Variants in GALNT13 observed in about 807,000 individuals in gnomAD.
GALNT13 encodes UDP-GalNAc:polypeptide N-acetylgalactosaminyltransferase 13.
A neutral mutation model predicts 64.2 loss-of-function variants in GALNT13; 28 were observed. The ratio of observed to expected loss-of-function variants is 0.44; its 90% confidence interval spans 0.32 to 0.60. GALNT13 has a LOEUF of 0.60. GALNT13 is among the 20% of genes least tolerant of loss of function. GALNT13 has a pLI of 0.05. For synonymous variants in GALNT13, 214 were observed against 224.6 expected, an observed-to-expected ratio of 0.95 and a Z score of 0.42; for missense variants, 577 against 669.8, an observed-to-expected ratio of 0.86 and a Z score of 1.53.
the GALNT13 span, among the ~76,000 whole-genome samples, chr2:153,126,320 A>T: frequency 1.4e-4 from 16 of 110,528 alleles, no homozygotes; most frequent in East Asian, 5.0e-4. Context: ...ATATATATAT[A>T]TATATATATA....
chr2:153,201,955 C>T, the GALNT13 span, among the ~76,000 whole-genome samples: 1 of 151,018 alleles, frequency 6.6e-6, no homozygotes, highest in African/African-American at 2.4e-5. Context: ...ACAGGATGGC[C>T]CCTCTCTCCA....
At chr2:153,476,392 T>C in the GALNT13 span, among the ~76,000 whole-genome samples, 1 of 152,366 alleles carries the variant, frequency 6.6e-6, no homozygotes, top group East Asian at 1.9e-4. Context: ...TATAGCATCC[T>C]AGTGGATTCT....
the GALNT13 span, among the ~76,000 whole-genome samples, chr2:153,552,819 A>G: frequency 6.6e-6 from 1 of 152,074 alleles, no homozygotes; most frequent in African/African-American, 2.4e-5. Flanking sequence ...TCAGATCATC[A>G]GGCATTAGAT....
chr2:153,970,130 A>G (rs1693642438), intron 3 of GALNT13, among the ~76,000 whole-genome samples: 1 of 152,152 alleles, frequency 6.6e-6, no homozygotes, highest in Admixed American at 6.5e-5. Flanking sequence ...ATCTTGACAA[A>G]ATTTTCTGTA....
chr2:154,060,164 T>C lies in GALNT13; in HGVS notation c.143-80173T>C, dbSNP rs748055821. ...AAGATGGCTGCCACTAGGAATTGAA[T>C]TTCTAGCTCCTTGATCGTGGATTTT... On this transcript the variant is annotated intron_variant, in intron 3 of 12. Transcript: ENST00000392825. 3.9e-5 allele frequency among the ~76,000 whole-genome samples: 6 copies of C among 152,094 alleles called. No homozygotes were observed. In the South Asian group the frequency reaches 1.0e-3, roughly 26 times the overall value.
chr2:153,531,767 T>G, the GALNT13 span, among the ~76,000 whole-genome samples: 1 of 152,126 alleles, frequency 6.6e-6, no homozygotes, highest in Non-Finnish European at 1.5e-5. Flanking sequence ...AATAAATACT[T>G]GCATTTCAAA....
At chr2:154,195,109 C>G (rs1686808755) in intron 4 of GALNT13, among the ~76,000 whole-genome samples, 1 of 151,994 alleles carries the variant, frequency 6.6e-6, no homozygotes, top group South Asian at 2.1e-4. Context: ...TATTCTTAAC[C>G]ACTGCTCTGT....
At chr2:154,417,176 T>C (rs1420307808) in intron 11 of GALNT13, among the ~76,000 whole-genome samples, 2 of 151,820 alleles carry the variant, frequency 1.3e-5, no homozygotes, top group East Asian at 3.9e-4. Context: ...TTCAGTGTAG[T>C]TTCCCCAAAC....
At chr2:154,087,378 G>A (rs1250844393) in intron 3 of GALNT13, among the ~76,000 whole-genome samples, 1 of 151,926 alleles carries the variant, frequency 6.6e-6, no homozygotes, top group African/African-American at 2.4e-5. Flanking sequence ...AGAATTCATA[G>A]CACTTATTAT....
intron 3 of GALNT13, among the ~76,000 whole-genome samples, chr2:154,106,217 G>C (rs1257023000): frequency 6.6e-6 from 1 of 151,960 alleles, no homozygotes; most frequent in Non-Finnish European, 1.5e-5. Context: ...CTTATTTCAT[G>C]GATCATGCTT....
the GALNT13 span, among the ~76,000 whole-genome samples, chr2:153,118,708 G>T: frequency 6.6e-6 from 1 of 152,126 alleles, no homozygotes. Context: ...TATGAGCCAT[G>T]CATTATTCTA....
chr2:153,361,003 A>C, the GALNT13 span, among the ~76,000 whole-genome samples: 1 of 152,236 alleles, frequency 6.6e-6, no homozygotes. Context: ...AAGGTCAGAG[A>C]TCCCAGTGGA....
chr2:153,511,349 C>T, the GALNT13 span, among the ~76,000 whole-genome samples: 5 of 151,198 alleles, frequency 3.3e-5, no homozygotes, highest in Non-Finnish European at 5.9e-5. Context: ...ATAGATTAGG[C>T]GTGATTCAAG....
chr2:153,188,736 T>C, the GALNT13 span, among the ~76,000 whole-genome samples: 1 of 152,188 alleles, frequency 6.6e-6, no homozygotes, highest in African/African-American at 2.4e-5. Context: ...GATTAGAATA[T>C]GGGAGGAATG....
At chr2:153,211,224 G>A in the GALNT13 span, among the ~76,000 whole-genome samples, 79 of 151,642 alleles carry the variant, frequency 5.2e-4, no homozygotes, top group African/African-American at 1.7e-3. Context: ...CTCACTGCAA[G>A]CTCAGCCTCC....
At chr2:153,734,382 T>TA in the GALNT13 span, among the ~76,000 whole-genome samples, 3 of 152,208 alleles carry the variant, frequency 2.0e-5, no homozygotes, top group African/African-American at 7.2e-5. Flanking sequence ...TGTTTTGACT[T>TA]ATTGACTTAC....
intron 9 of GALNT13, among the ~76,000 whole-genome samples, chr2:154,380,482 G>A (rs1483592725): frequency 6.6e-6 from 1 of 151,888 alleles, no homozygotes; most frequent in African/African-American, 2.4e-5. Context: ...TATTTTTAAT[G>A]TATATATTAA....
intron 3 of GALNT13, among the ~76,000 whole-genome samples, chr2:153,962,261 T>G (rs1351671679): frequency 6.6e-6 from 1 of 152,184 alleles, no homozygotes; most frequent in Non-Finnish European, 1.5e-5. Flanking sequence ...TACAGAGGTT[T>G]TCATAAGATC....
chr2:153,252,835 G>A, the GALNT13 span, among the ~76,000 whole-genome samples: 1 of 151,744 alleles, frequency 6.6e-6, no homozygotes, highest in African/African-American at 2.4e-5. Context: ...GTCTGTATCT[G>A]CTTTGGTACC....
Sources: gnomAD v4.1 joint callset for allele counts (sites outside exome capture counted in the v4.1 genomes callset) on GRCh38, gnomAD v4.1.1 for gene constraint, MANE v1.5 for transcripts, NCBI Gene and HGNC (gene_info 2026-07-23, HGNC 2026-07-21) for gene names.